C1QTNF6: variants seen among roughly 807,000 people sequenced by gnomAD.
C1QTNF6 encodes the protein complement C1q tumor necrosis factor-related protein 6.
In C1QTNF6, 17 loss-of-function variants were observed where a neutral mutation model predicts 20.7. That is an observed-to-expected ratio of 0.82 (90% CI 0.56 to 1.23). The LOEUF is 1.23. Ranked by LOEUF, C1QTNF6 falls within the 50% of genes most tolerant of loss-of-function variation. The pLI is 0.00. For synonymous variants in C1QTNF6, 130 were observed against 156.3 expected, an observed-to-expected ratio of 0.83 and a Z score of 1.25; for missense variants, 329 against 389.7, an observed-to-expected ratio of 0.84 and a Z score of 1.31.
chr22:37,187,932 G>A (rs545047457), intron 1 of C1QTNF6, among the ~76,000 whole-genome samples: 2 of 152,256 alleles, frequency 1.3e-5, no homozygotes, highest in South Asian at 2.1e-4. Flanking sequence ...CAGGCAGGCC[G>A]TGCAGAGCTG....
upstream of C1QTNF6, chr22:37,191,795 T>C (rs1924837956): frequency 6.6e-6 from 1 of 152,178 alleles, no homozygotes; most frequent in South Asian, 2.1e-4. Flanking sequence ...ATGAAAAACT[T>C]GTTCAAGAGA....
chr22:37,187,495 G>A (rs1924456711), intron 1 of C1QTNF6, among the ~76,000 whole-genome samples: 3 of 151,748 alleles, frequency 2.0e-5, no homozygotes, highest in East Asian at 1.9e-4. Context: ...TACTTACAAG[G>A]AAATGACACC....
Position 37,188,192 on chromosome 22 carries a change from C to T in C1QTNF6, c.22G>A (p.Glu8Lys). Residue 8 changes from glutamate (E) to lysine (K), a missense_variant, in exon 1 of 3, where the codon GAG (glutamate) becomes AAG (lysine). Physicochemically the swap from Glu to Lys is moderately conservative, Grantham distance 56. Transcript: ENST00000337843. ...TGTCCTGTGGCCTCCCCAGGCGACT[C>T]ACGGACCCTGAGCCACTGCATGGCC... MQWLRVR[E>K]SPGEATGHRV... is the part of the protein sequence containing the mutation. 1 of 1,609,888 alleles carries T rather than the reference C, an allele frequency of 6.2e-7. No homozygotes were observed. The highest frequency in any genetic ancestry group is 8.5e-7 in the Non-Finnish European group (1 of 1,178,084).
At position 37,182,459 on chromosome 22, in the gene C1QTNF6, C is replaced by T. The variant is rs1923871147; in HGVS notation, c.566G>A (p.Gly189Asp). Reference protein sequence around the residue: ...ATGQFAAPLRGIYFFSLNVHS... With the variant: ...ATGQFAAPLRDIYFFSLNVHS... ...CACATTGAGGCTGAAGAAGTAGATGCCACGCAGGGGAGCAGCAAACTGGCC... is the reference window on the plus strand; with the variant it reads ...CACATTGAGGCTGAAGAAGTAGATGTCACGCAGGGGAGCAGCAAACTGGCC... Residue 189 changes from glycine to aspartate, a missense_variant, in exon 3 of 3, where the codon GGC becomes GAC. By Grantham distance (94) the Gly-to-Asp change is moderately conservative. Coordinates refer to ENST00000337843, the MANE Select transcript of C1QTNF6 (RefSeq NM_031910.4). 1 of 1,614,140 alleles carries T rather than the reference C, an allele frequency of 6.2e-7. No individual in the cohort carries two copies. Among genetic ancestry groups the T allele is most frequent in the African/African-American group, 1.3e-5 (1 of 74,944 alleles).
At position 37,185,288 on chromosome 22, in the gene C1QTNF6, T is replaced by G. The variant is rs1294666544; in HGVS notation, c.219A>C (p.Ser73=). 6.2e-7 allele frequency: 1 copy of G among 1,612,208 alleles called. No individual in the cohort carries two copies. Among genetic ancestry groups the G allele is most frequent in the Non-Finnish European group, 8.5e-7 (1 of 1,179,112 alleles). The change falls in exon 2 of 3, where the codon TCA becomes TCC. Residue 73 remains serine (S), a synonymous_variant. Transcript: ENST00000337843. ...EDPLDPAHVS[S]ASSSGRPHAL... The stretch of plus-strand genomic sequence containing the variant: ...CGTGGGGGCGGCCGGAGGAAGAGGC[T>G]GAGGATACATGGGCAGGATCCAGGG...
intron 2 of C1QTNF6, among the ~76,000 whole-genome samples, chr22:37,183,984 G>A (rs955466560): frequency 6.6e-6 from 1 of 152,148 alleles, no homozygotes; most frequent in Non-Finnish European, 1.5e-5. Context: ...GGTCCCTCAC[G>A]GCAGCCTACC....
chr22:37,184,391 A>T lies in C1QTNF6; in HGVS notation c.289+827T>A. ...GCTAAGGATGTCAAGGCCTGGTCAC[A>T]GCCGTCAGCCACCACAGCCTGGAAG... On this transcript the variant is annotated intron_variant, in intron 2 of 2. Transcript: ENST00000337843. This position sits in a 1 kb window ranked among gnomAD's most constrained non-coding sequence, Gnocchi z 4.0. The T allele has an allele frequency of 1.4e-6, 1 of 717,318 alleles. No homozygotes were observed. Among genetic ancestry groups the T allele is most frequent in the Non-Finnish European group, 2.6e-6 (1 of 385,036 alleles). The allele number at this position is 717,318 out of a possible 1,614,324, so 44.4% of individuals were successfully genotyped here. A position where few individuals can be genotyped will look rare whatever the true frequency, so the allele number is the denominator to read the frequency against.
chr22:37,191,703 A>C (rs1457027084), upstream of C1QTNF6: 1 of 152,204 alleles, frequency 6.6e-6, no homozygotes. Context: ...TTCCAAAAAA[A>C]ACTGTCTCTT....
intron 2 of C1QTNF6, among the ~76,000 whole-genome samples, chr22:37,195,119 G>A (rs1317750431): frequency 6.6e-6 from 1 of 152,230 alleles, no homozygotes; most frequent in Non-Finnish European, 1.5e-5. Flanking sequence ...ACAGCTGTCA[G>A]CAAACAGTGC....
At position 37,184,193 on chromosome 22, in the gene C1QTNF6, A is replaced by G; in HGVS notation, c.289+1025T>C. On this transcript the variant is annotated intron_variant, in intron 2 of 2. Coordinates refer to ENST00000337843, the MANE Select transcript of C1QTNF6 (RefSeq NM_031910.4). The surrounding 1 kb of genome is among the most constrained non-coding windows in gnomAD (Gnocchi z 4.0). ...CACGAAATCAGAACAAGGGCAGGCC[A>G]GGTGCCAGGTGACCACTGGCTGTGC... 1.6e-6 allele frequency: 1 copy of G among 624,054 alleles called. No homozygotes were observed. Among genetic ancestry groups the G allele is most frequent in the Non-Finnish European group, 3.0e-6 (1 of 338,978 alleles). The allele number at this position is 624,054 out of a possible 1,614,324, so 38.7% of individuals were successfully genotyped here.
rs1924066936 is a variant in C1QTNF6, at chr22:37,184,275, G to A, written c.289+943C>T. On this transcript the variant is annotated intron_variant, in intron 2 of 2. Transcript: ENST00000337843. This position sits in a 1 kb window ranked among gnomAD's most constrained non-coding sequence, Gnocchi z 4.0. ...AATCCTGGCTCCATCCCTGACAGCT[G>A]TGTGGCCCCAGGAGACTGGGTTTCC... is the stretch of plus-strand genomic sequence containing the variant. The A allele has an allele frequency of 8.6e-6, 6 of 699,784 alleles. No individual in the cohort carries two copies. The highest frequency in any genetic ancestry group is 1.6e-5 in the Non-Finnish European group (6 of 373,926). 43.3% of individuals were successfully genotyped at this position (699,784 alleles called of 1,614,324 possible). A position where few individuals can be genotyped will look rare whatever the true frequency, so the allele number is the denominator to read the frequency against.
chr22:37,190,993 C>T (rs945498101), upstream of C1QTNF6: 2 of 152,120 alleles, frequency 1.3e-5, no homozygotes, highest in African/African-American at 4.8e-5. Flanking sequence ...TTATTTCAGT[C>T]TTTTATTAGT....
At chr22:37,185,633 T>A in intron 1 of C1QTNF6, 178 bp from the exon 2 acceptor site, 1 of 1,323,466 alleles carries the variant, frequency 7.6e-7, no homozygotes, top group Non-Finnish European at 9.6e-7. Context: ...GAGCAGCAAG[T>A]TCCCCAAGAT....
Position 37,182,239 on chromosome 22 carries a change from G to A in C1QTNF6, c.786C>T (p.Phe262=), listed in dbSNP as rs751679926. 9.9e-6 allele frequency: 16 copies of A among 1,614,000 alleles called. No individual in the cohort carries two copies. The highest frequency in any genetic ancestry group is 6.7e-5 in the Admixed American group (4 of 60,006). Residue 262 remains phenylalanine (F), a synonymous_variant, in exon 3 of 3, where the codon TTC becomes TTT. Transcript: ENST00000337843. ...QRENAIYSND[F]DTYITFSGHL... is the part of the protein sequence containing the mutation. ...GGCCGCTGAAGGTGATGTAGGTGTC[G>A]AAGTCGTTGCTGTAGATGGCGTTCT... is the stretch of plus-strand genomic sequence containing the variant.
rs1365430127 is a variant in C1QTNF6, at chr22:37,180,724, G to A, written c.*1464C>T. On this transcript the variant is annotated 3_prime_UTR_variant, in exon 3 of 3. Transcript: ENST00000337843. Reference sequence around the variant, plus strand: ...CACCTGGGGACAGACATCAGTGTCTGAGGGCAGCTGGAGGCCCTGGGGAAA... The same window carrying A: ...CACCTGGGGACAGACATCAGTGTCTAAGGGCAGCTGGAGGCCCTGGGGAAA... 2 of 153,540 alleles carry A rather than the reference G, an allele frequency of 1.3e-5. No homozygotes were observed. Among genetic ancestry groups the A allele is most frequent in the Non-Finnish European group, 2.9e-5 (2 of 69,070 alleles). 9.5% of individuals were successfully genotyped at this position (153,540 alleles called of 1,614,324 possible).
chr22:37,188,991 C>A (rs1924630486), upstream of C1QTNF6, among the ~76,000 whole-genome samples: 3 of 152,144 alleles, frequency 2.0e-5, no homozygotes, highest in Admixed American at 2.0e-4. Flanking sequence ...GCAGAGCACC[C>A]CCAAGCACTG....
chr22:37,182,166 C>T lies in C1QTNF6; in HGVS notation c.*22G>A, dbSNP rs777962283. 8.8e-6 allele frequency: 14 copies of T among 1,591,380 alleles called. No homozygotes were observed. Among genetic ancestry groups the T allele is most frequent in the Middle Eastern group, 1.7e-4 (1 of 5,902 alleles). On this transcript the variant is annotated 3_prime_UTR_variant, in exon 3 of 3. Transcript: ENST00000337843. The stretch of plus-strand genomic sequence containing the variant: ...GGGACCAGCACCTGAGCTCTCCAGC[C>T]GGGAGGGTGGCCCAGAGGCCCTCAG...
At chr22:37,185,089 T>C in intron 2 of C1QTNF6, 129 bp downstream of exon 2, 1 of 1,427,744 alleles carries the variant, frequency 7.0e-7, no homozygotes, top group South Asian at 1.7e-5. Flanking sequence ...CAGACCAGGC[T>C]CACATTGGGG....
chr22:37,190,449 C>A (rs1924742354), upstream of C1QTNF6: 1 of 152,108 alleles, frequency 6.6e-6, no homozygotes, highest in East Asian at 1.9e-4. Context: ...TCTTGAGGTC[C>A]CGAGATAACT....
Sources: gnomAD v4.1 joint callset for allele counts (sites outside exome capture counted in the v4.1 genomes callset) on GRCh38, gnomAD v4.1.1 for gene constraint, Gnocchi (gnomAD v3.1) non-coding constraint, MANE v1.5 for transcripts, NCBI Gene and HGNC (gene_info 2026-07-23, HGNC 2026-07-21) for gene names.